XDH: variants seen among roughly 807,000 people sequenced by gnomAD.
XDH encodes the protein xanthine dehydrogenase, also known as xanthine dehydrogenase/oxidase.
Under a neutral mutation model 156.1 loss-of-function variants are expected in XDH, and 138 were observed. That is an observed-to-expected ratio of 0.88 (90% confidence interval 0.77 to 1.02). The LOEUF is 1.02. Ranked by LOEUF, XDH falls within the 50% of genes least tolerant of loss-of-function variation. The pLI is 0.00. For synonymous variants in XDH, 669 were observed against 625.7 expected (o/e 1.07, Z -1.03); for missense variants, 1,849 against 1,684.9 (o/e 1.10, Z -1.71).
At chr2:31,388,922 A>G (rs553283659) in intron 6 of XDH, among the ~76,000 whole-genome samples, 1 of 152,316 alleles carries the variant, frequency 6.6e-6, no homozygotes, top group African/African-American at 2.4e-5. Context: ...TCTCTGGGAA[A>G]AGACTTGCTC....
chr2:31,386,337 A>T, intron 9 of XDH, 77 bp downstream of exon 9: 1 of 1,579,018 alleles, frequency 6.3e-7, no homozygotes, highest in South Asian at 1.1e-5. Context: ...AGTCAGGGGG[A>T]GGTGAGGATG....
intron 14 of XDH, among the ~76,000 whole-genome samples, chr2:31,376,256 T>C (rs1686241737): frequency 6.6e-6 from 1 of 150,754 alleles, no homozygotes. Context: ...ATAGTAGTAG[T>C]AGAAGTAGTA....
chr2:31,403,624 A>G (rs1687120588), intron 2 of XDH, among the ~76,000 whole-genome samples: 1 of 152,182 alleles, frequency 6.6e-6, no homozygotes, highest in African/African-American at 2.4e-5. Flanking sequence ...TTGGGCTGAT[A>G]AGTCCCCAAG....
At chr2:31,343,779 T>C (rs1685206282) in intron 31 of XDH, among the ~76,000 whole-genome samples, 1 of 149,224 alleles carries the variant, frequency 6.7e-6, no homozygotes, top group Admixed American at 6.8e-5. Flanking sequence ...TGTGTGTATA[T>C]ATGTTTATGC....
Position 31,335,920 on chromosome 2 carries a change from A to T in XDH, c.*38T>A. The stretch of plus-strand genomic sequence containing the variant: ...TGTTCCTCCTGCTCCATGGAAGCCC[A>T]AAGGCAGCACAAGAAGACTCTGCTG... On this transcript the variant is annotated 3_prime_UTR_variant, in exon 36 of 36. Coordinates refer to ENST00000379416, the MANE Select transcript of XDH (RefSeq NM_000379.4). 1 of 1,612,626 alleles carries T rather than the reference A, an allele frequency of 6.2e-7. No individual in the cohort carries two copies. Among genetic ancestry groups the T allele is most frequent in the East Asian group, 2.2e-5 (1 of 44,882 alleles).
At chr2:31,350,361 G>C in intron 24 of XDH, 138 bp from the exon 25 acceptor site, 15 of 477,908 alleles carry the variant, frequency 3.1e-5, no homozygotes, top group East Asian at 9.5e-5. Flanking sequence ...GGATATTGCA[G>C]CAGCATCTTT....
chr2:31,379,222 TG>T (rs1247606892), intron 13 of XDH, among the ~76,000 whole-genome samples: 1 of 152,118 alleles, frequency 6.6e-6, no homozygotes, highest in Non-Finnish European at 1.5e-5. Context: ...AGGCAGCCAG[TG>T]GTGCCCAGAC....
Position 31,347,591 on chromosome 2 carries a change from A to C in XDH, c.3207T>G (p.Thr1069=), listed in dbSNP as rs762022771. 1.2e-6 allele frequency: 2 copies of C among 1,614,146 alleles called. No individual in the cohort carries two copies. Among genetic ancestry groups the C allele is most frequent in the Middle Eastern group, 1.7e-4 (1 of 6,056 alleles). ...TSKIYISETS[T]NTVPNTSPTA... ...TGGGAGAGGTGTTGGGCACAGTGTT[A>C]GTGCTTGTCTCGCTGATATAAATCT... The change falls in exon 29 of 36, where the codon ACT becomes ACG. Residue 1069 remains threonine, a synonymous_variant. Coordinates refer to ENST00000379416, the MANE Select transcript of XDH (RefSeq NM_000379.4).
chr2:31,375,284 A>G, intron 15 of XDH, 96 bp downstream of exon 15: 1 of 1,468,636 alleles, frequency 6.8e-7, no homozygotes, highest in Non-Finnish European at 9.5e-7. Context: ...CTGCCCTCAG[A>G]TGTCCAGAGG....
At chr2:31,365,320 T>C (rs1685880167) in intron 23 of XDH, 137 bp downstream of exon 23, 1 of 903,852 alleles carries the variant, frequency 1.1e-6, no homozygotes, top group African/African-American at 1.6e-5. Context: ...TTTGAATTTC[T>C]CTTCTTGCTA....
intron 8 of XDH, among the ~76,000 whole-genome samples, 163 bp from the exon 9 acceptor site, chr2:31,386,718 A>G (rs1686607020): frequency 6.6e-6 from 1 of 152,146 alleles, no homozygotes; most frequent in Non-Finnish European, 1.5e-5. Context: ...CAGGAACTCC[A>G]TTGGGACTAG....
Position 31,383,072 on chromosome 2 carries a change from T to G in XDH, c.967A>C (p.Lys323Gln). The stretch of plus-strand genomic sequence containing the variant: ...AGGACCCCTCTGAACACCTCTGTCT[T>G]TTGGGCAGGAAGCTTAGCAACAGCA... ...VDAVAKLPAQKTEVFRGVLEQ... is the reference protein window; with the variant it reads ...VDAVAKLPAQQTEVFRGVLEQ... Residue 323 changes from lysine to glutamine, a missense_variant, in exon 11 of 36, where the codon AAG becomes CAG. Lys to Gln is a moderately conservative substitution (Grantham distance 53). Coordinates refer to ENST00000379416, the MANE Select transcript of XDH (RefSeq NM_000379.4). The G allele has an allele frequency of 6.2e-7, 1 of 1,614,130 alleles. No homozygotes were observed. Among genetic ancestry groups the G allele is most frequent in the Non-Finnish European group, 8.5e-7 (1 of 1,180,026 alleles).
chr2:31,359,869 C>CTAAAT (rs1685729868), intron 24 of XDH, among the ~76,000 whole-genome samples: 1 of 152,144 alleles, frequency 6.6e-6, no homozygotes, highest in Admixed American at 6.5e-5. Flanking sequence ...TTCATTAGCC[C>CTAAAT]TAAACACAAT....
At chr2:31,408,870 A>T (rs1486651380) in intron 1 of XDH, among the ~76,000 whole-genome samples, 1 of 152,258 alleles carries the variant, frequency 6.6e-6, no homozygotes, top group East Asian at 1.9e-4. Flanking sequence ...AACAGCCAAC[A>T]TTTGGAAGCA....
At chr2:31,387,587 A>C (rs577147114) in intron 8 of XDH, among the ~76,000 whole-genome samples, 24 of 152,288 alleles carry the variant, frequency 1.6e-4, no homozygotes, top group African/African-American at 5.8e-4. Context: ...ACAGACATCA[A>C]ATTAATAACT....
intron 1 of XDH, among the ~76,000 whole-genome samples, chr2:31,414,005 A>G (rs1687410858): frequency 6.6e-6 from 1 of 152,122 alleles, no homozygotes; most frequent in Non-Finnish European, 1.5e-5. Flanking sequence ...TTTGCAGCTT[A>G]CATGTAGAAC....
chr2:31,343,951 G>C (rs1453972248), intron 31 of XDH, among the ~76,000 whole-genome samples: 1 of 151,504 alleles, frequency 6.6e-6, no homozygotes, highest in African/African-American at 2.4e-5. Flanking sequence ...AAGAAACATT[G>C]AATTATTTTC....
At chr2:31,340,532 G>C (rs207442) in intron 33 of XDH, among the ~76,000 whole-genome samples, 146,989 of 152,212 alleles carry the variant, frequency 0.97, 70,989 homozygotes, top group East Asian at 1. Context: ...TACAGTGGTG[G>C]GATCTTGGCT....
At chr2:31,378,610 G>T (rs1393430878) in intron 13 of XDH, among the ~76,000 whole-genome samples, 1 of 152,150 alleles carries the variant, frequency 6.6e-6, no homozygotes, top group African/African-American at 2.4e-5. Context: ...TTTGACCTTT[G>T]TTCTGGAACA....
Sources: allele counts gnomAD v4.1 joint callset (sites outside exome capture counted in the v4.1 genomes callset), GRCh38; gene constraint gnomAD v4.1.1; transcripts MANE v1.5; gene names NCBI Gene and HGNC (gene_info 2026-07-23, HGNC 2026-07-21).